GPM6A: variants seen among roughly 807,000 people sequenced by gnomAD.
GPM6A encodes the protein neuronal membrane glycoprotein M6-a.
GPM6A carries 7 observed loss-of-function variants against 32.1 expected under a neutral mutation model. The ratio of observed to expected loss-of-function variants is 0.22; its 90% confidence interval spans 0.12 to 0.41. The LOEUF is 0.41. Among genes scored for constraint, GPM6A ranks in the 10% least tolerant of loss-of-function variants. The pLI is 1.00. For synonymous variants in GPM6A, 130 were observed against 123.4 expected, an observed-to-expected ratio of 1.05 and a Z score of -0.35; for missense variants, 235 against 347.2, an observed-to-expected ratio of 0.68 and a Z score of 2.57.
At chr4:175,722,842 G>T (rs143586491) in intron 1 of GPM6A, among the ~76,000 whole-genome samples, 1 of 151,582 alleles carries the variant, frequency 6.6e-6, no homozygotes, top group Admixed American at 6.6e-5. Context: ...CCAGGAGTTC[G>T]AGGCCTGTCT....
chr4:175,912,500 CA>C (rs1376327015), intron 1 of GPM6A, among the ~76,000 whole-genome samples: 2 of 151,946 alleles, frequency 1.3e-5, no homozygotes, highest in African/African-American at 4.8e-5. Context: ...ACTAAAAATA[CA>C]AAAATTAGCT....
At chr4:175,777,794 T>C (rs959501880) in intron 1 of GPM6A, among the ~76,000 whole-genome samples, 4 of 152,196 alleles carry the variant, frequency 2.6e-5, no homozygotes, top group African/African-American at 9.6e-5. Context: ...ATGTTATCTA[T>C]AGGTTATGAA....
chr4:175,973,067 G>C (rs1740557571), intron 1 of GPM6A, among the ~76,000 whole-genome samples: 1 of 152,172 alleles, frequency 6.6e-6, no homozygotes, highest in South Asian at 2.1e-4. Context: ...CCTGAAAAGA[G>C]ATGATTTATG....
intron 1 of GPM6A, among the ~76,000 whole-genome samples, chr4:175,924,980 C>A (rs747568892): frequency 6.6e-6 from 1 of 151,784 alleles, no homozygotes; most frequent in Non-Finnish European, 1.5e-5. Context: ...AACATTAGTT[C>A]TTAAGTTCAT....
chr4:175,664,680 T>TAGA (rs1742635002), intron 3 of GPM6A, among the ~76,000 whole-genome samples: 1 of 152,174 alleles, frequency 6.6e-6, no homozygotes, highest in Non-Finnish European at 1.5e-5. Flanking sequence ...TGCAGTCCTC[T>TAGA]ATGTATTTCA....
intron 1 of GPM6A, among the ~76,000 whole-genome samples, chr4:175,709,495 C>T (rs918870648): frequency 2.0e-5 from 3 of 151,932 alleles, no homozygotes; most frequent in East Asian, 1.9e-4. Context: ...TTTAGGAGGC[C>T]GACGTGAGTG....
intron 1 of GPM6A, among the ~76,000 whole-genome samples, chr4:175,864,312 G>T (rs1020773621): frequency 6.6e-6 from 1 of 152,116 alleles, no homozygotes; most frequent in Non-Finnish European, 1.5e-5. Context: ...GACTACAGGA[G>T]CATGTCACCA....
At chr4:175,716,833 A>G (rs1374954464) in intron 1 of GPM6A, among the ~76,000 whole-genome samples, 1 of 152,174 alleles carries the variant, frequency 6.6e-6, no homozygotes, top group African/African-American at 2.4e-5. Flanking sequence ...ATTTACTAGT[A>G]TTTAATAAAA....
At chr4:175,785,805 A>T (rs182470879) in intron 1 of GPM6A, among the ~76,000 whole-genome samples, 12 of 152,284 alleles carry the variant, frequency 7.9e-5, no homozygotes, top group African/African-American at 2.6e-4. Context: ...CATAACTGGG[A>T]TTAATTCAAC....
chr4:175,741,727 T>C (rs909178359), intron 1 of GPM6A, among the ~76,000 whole-genome samples: 26 of 152,142 alleles, frequency 1.7e-4, no homozygotes, highest in African/African-American at 6.3e-4. Flanking sequence ...ATTTATCTAC[T>C]TGTCTTCACT....
intron 1 of GPM6A, among the ~76,000 whole-genome samples, chr4:175,854,680 T>C (rs1425730927): frequency 6.6e-6 from 1 of 152,022 alleles, no homozygotes; most frequent in Non-Finnish European, 1.5e-5. Context: ...CTGAACTCCG[T>C]GAGTTGAAAG....
At chr4:175,741,005 A>AT (rs1731867233) in intron 1 of GPM6A, among the ~76,000 whole-genome samples, 1 of 152,044 alleles carries the variant, frequency 6.6e-6, no homozygotes, top group African/African-American at 2.4e-5. Flanking sequence ...CATTATCATG[A>AT]TTTTGAAAAT....
Position 175,701,714 on chromosome 4 carries a change from T to G in GPM6A, c.91A>C (p.Ile31Leu). The G allele has an allele frequency of 6.2e-7, 1 of 1,613,832 alleles. No homozygotes were observed. The highest frequency in any genetic ancestry group is 8.5e-7 in the Non-Finnish European group (1 of 1,179,810). Reference protein sequence around the residue: ...CLGGIPYASLIATILLYAGVA... With the variant: ...CLGGIPYASLLATILLYAGVA... Reference sequence around the variant, plus strand: ...CCCGCATAGAGCAGGATGGTGGCAATCAGAGAGGCATAGGGAATGCCCCCC... The same window carrying G: ...CCCGCATAGAGCAGGATGGTGGCAAGCAGAGAGGCATAGGGAATGCCCCCC... Residue 31 changes from isoleucine (I) to leucine (L), a missense_variant, in exon 2 of 7, where the codon ATT (isoleucine) becomes CTT (leucine). Ile to Leu is a conservative substitution (Grantham distance 5). Transcript: ENST00000393658.
At chr4:175,638,930 A>C (rs1281140215) in intron 6 of GPM6A, among the ~76,000 whole-genome samples, 1 of 152,144 alleles carries the variant, frequency 6.6e-6, no homozygotes, top group Admixed American at 6.6e-5. Context: ...TTTAGCATTA[A>C]TTTTAGGTTG....
At chr4:175,658,006 A>G (rs1488443619) in intron 3 of GPM6A, among the ~76,000 whole-genome samples, 1 of 152,204 alleles carries the variant, frequency 6.6e-6, no homozygotes, top group Non-Finnish European at 1.5e-5. Flanking sequence ...ATCATTATGT[A>G]AATTACTCAA....
chr4:175,927,612 C>T (rs1220318622), intron 1 of GPM6A, among the ~76,000 whole-genome samples: 2 of 152,218 alleles, frequency 1.3e-5, no homozygotes, highest in Admixed American at 6.5e-5. Flanking sequence ...CGGCCAGGCA[C>T]GGTGGCTCAC....
At chr4:175,715,470 G>A (rs73004346) in intron 1 of GPM6A, among the ~76,000 whole-genome samples, 110 of 152,196 alleles carry the variant, frequency 7.2e-4, no homozygotes, top group African/African-American at 2.4e-3. Flanking sequence ...AGCATGCCTC[G>A]AACTGCTGAG....
chr4:175,884,287 T>A (rs530719229), intron 1 of GPM6A, among the ~76,000 whole-genome samples: 282 of 152,362 alleles, frequency 1.9e-3, no homozygotes, highest in Non-Finnish European at 3.1e-3. Context: ...GTCTTCTTTT[T>A]CTTTCAACAT....
Position 175,637,316 on chromosome 4 carries a change from TAA to T in GPM6A, c.685-2261_685-2260del, listed in dbSNP as rs1239378360. Among the ~76,000 whole-genome samples, 7 of 69,224 alleles carry T rather than the reference TAA, an allele frequency of 1.0e-4. 1 individual carries two copies. The South Asian group carries it at 2.6e-3, about 26-fold the overall frequency. 45.4% of individuals were successfully genotyped at this position (69,224 alleles called of 152,430 possible). A position where few individuals can be genotyped will look rare whatever the true frequency, so the allele number is the denominator to read the frequency against. On this transcript the variant is annotated intron_variant, in intron 6 of 6. Transcript: ENST00000393658. ...TATATATTATATATTATATATAATA[TAA>T]AATATATATTATATATTATATATTA...
Sources: allele counts gnomAD v4.1 joint callset (sites outside exome capture counted in the v4.1 genomes callset), GRCh38; gene constraint gnomAD v4.1.1; transcripts MANE v1.5; gene names NCBI Gene and HGNC (gene_info 2026-07-23, HGNC 2026-07-21).